The following CNTNAP2 variants were observed in gnomAD, a reference collection of about 807,000 sequenced individuals.
CNTNAP2 encodes contactin associated protein 2, also known as contactin-associated protein-like 2.
A neutral mutation model predicts 155.2 loss-of-function variants in CNTNAP2; 98 were observed. The ratio of observed to expected loss-of-function variants is 0.63; its 90% CI spans 0.54 to 0.75. The LOEUF (loss-of-function observed/expected upper bound fraction) is 0.75. Ranked by LOEUF, CNTNAP2 falls within the 30% of genes least tolerant of loss-of-function variation. The probability of loss-of-function intolerance (pLI) is 0.00; values close to 1 mark genes in which losing one functional copy is unlikely to be tolerated. For synonymous variants in CNTNAP2, 651 were observed against 631.2 expected (o/e 1.03, Z -0.47); for missense variants, 1,727 against 1,688.1 (o/e 1.02, Z -0.40).
At chr7:146,269,531 A>C (rs1315490405) in intron 1 of CNTNAP2, among the ~76,000 whole-genome samples, 4 of 152,198 alleles carry the variant, frequency 2.6e-5, no homozygotes, top group Non-Finnish European at 4.4e-5. Context: ...ATGATTAAGT[A>C]TTGCTAGTTT....
At chr7:147,140,860 C>G (rs1801578094) in intron 8 of CNTNAP2, among the ~76,000 whole-genome samples, 1 of 152,122 alleles carries the variant, frequency 6.6e-6, no homozygotes, top group African/African-American at 2.4e-5. Flanking sequence ...TATCAGGCAA[C>G]TTCTCTTTTG....
intron 4 of CNTNAP2, among the ~76,000 whole-genome samples, chr7:147,101,169 G>A (rs1800644833): frequency 1.3e-5 from 2 of 152,228 alleles, no homozygotes; most frequent in Admixed American, 1.3e-4. Context: ...AATGAGCCTG[G>A]ACGGGAAGGC....
At chr7:147,426,145 G>C (rs1260530942) in intron 10 of CNTNAP2, among the ~76,000 whole-genome samples, 1 of 151,714 alleles carries the variant, frequency 6.6e-6, no homozygotes, top group Non-Finnish European at 1.5e-5. Flanking sequence ...TGTGTACACA[G>C]GGAGGGTGTA....
At chr7:148,260,419 G>T (rs1416296577) in intron 20 of CNTNAP2, among the ~76,000 whole-genome samples, 1 of 152,090 alleles carries the variant, frequency 6.6e-6, no homozygotes, top group Non-Finnish European at 1.5e-5. Context: ...TAAAAGATCA[G>T]CACAAAGCCT....
chr7:147,000,081 C>A lies in CNTNAP2; in HGVS notation c.403-43826C>A, dbSNP rs1417507185. ...TCTTTATTTTTATTTCCTTTTTCCCCTTTGTATATTTTCAAATAACTTGTG... is the reference window on the plus strand; with the variant it reads ...TCTTTATTTTTATTTCCTTTTTCCCATTTGTATATTTTCAAATAACTTGTG... On this transcript the variant is annotated intron_variant, in intron 3 of 23. Coordinates refer to ENST00000361727, the MANE Select transcript of CNTNAP2 (RefSeq NM_014141.6). Among the ~76,000 whole-genome samples the A allele has an allele frequency of 2.0e-5, 3 of 151,666 alleles. No homozygotes were observed. In the South Asian group the frequency reaches 6.2e-4, roughly 32 times the overall value.
chr7:148,415,717 A>C lies in CNTNAP2; in HGVS notation c.*101A>C. 2.2e-6 allele frequency: 3 copies of C among 1,333,804 alleles called. No individual in the cohort carries two copies. Among genetic ancestry groups the C allele is most frequent in the Non-Finnish European group, 3.2e-6 (3 of 941,470 alleles). 82.6% of individuals were successfully genotyped at this position (1,333,804 alleles called of 1,614,324 possible). ...TCATACTCTTGAGCACATCCTTAAA[A>C]TATCAGCACAAGTTGGGGGAGGCAG... On this transcript the variant is annotated 3_prime_UTR_variant, in exon 24 of 24. Transcript: ENST00000361727.
At chr7:146,860,500 T>C (rs1412999304) in intron 3 of CNTNAP2, among the ~76,000 whole-genome samples, 2 of 152,174 alleles carry the variant, frequency 1.3e-5, no homozygotes, top group Non-Finnish European at 2.9e-5. Context: ...CATTTGGTTT[T>C]ATGAAAGTTC....
intron 1 of CNTNAP2, among the ~76,000 whole-genome samples, chr7:146,611,373 G>A (rs181111565): frequency 5.3e-5 from 8 of 152,186 alleles, no homozygotes; most frequent in African/African-American, 1.9e-4. Flanking sequence ...TTATAGGCGC[G>A]AGCCACCGCA....
chr7:146,254,789 A>T (rs1297831173), intron 1 of CNTNAP2, among the ~76,000 whole-genome samples: 1 of 152,066 alleles, frequency 6.6e-6, no homozygotes, highest in African/African-American at 2.4e-5. Context: ...GATGATCAGA[A>T]CTCTGAGTTT....
intron 9 of CNTNAP2, among the ~76,000 whole-genome samples, chr7:147,331,942 CACA>C (rs1795578340): frequency 1.3e-5 from 2 of 152,146 alleles, no homozygotes; most frequent in African/African-American, 4.8e-5. Context: ...CTTTACTGTT[CACA>C]ACATGTTTCA....
At chr7:147,394,922 TA>T (rs1298271001) in intron 9 of CNTNAP2, among the ~76,000 whole-genome samples, 14 of 151,200 alleles carry the variant, frequency 9.3e-5, no homozygotes, top group Non-Finnish European at 1.6e-4. Flanking sequence ...CATATTATGG[TA>T]TTTTATATAT....
chr7:146,390,211 C>A (rs1281470842), intron 1 of CNTNAP2, among the ~76,000 whole-genome samples: 1 of 151,786 alleles, frequency 6.6e-6, no homozygotes, highest in Non-Finnish European at 1.5e-5. Flanking sequence ...TATGTAAATA[C>A]AAAAGTAAAT....
chr7:147,885,754 C>T (rs577561943), intron 13 of CNTNAP2, among the ~76,000 whole-genome samples: 3 of 152,272 alleles, frequency 2.0e-5, no homozygotes, highest in Admixed American at 1.3e-4. Context: ...AACACTGGAA[C>T]ATTTACCTTT....
chr7:146,809,992 T>C (rs1449523369), intron 2 of CNTNAP2, among the ~76,000 whole-genome samples: 1 of 152,198 alleles, frequency 6.6e-6, no homozygotes, highest in Admixed American at 6.5e-5. Context: ...CTCTTACATT[T>C]AAGTCTTTCA....
chr7:146,827,005 T>A (rs1028849323), intron 2 of CNTNAP2, among the ~76,000 whole-genome samples: 2 of 151,736 alleles, frequency 1.3e-5, no homozygotes, highest in Non-Finnish European at 2.9e-5. Context: ...ACTAACATGA[T>A]TAAGGAGATT....
intron 3 of CNTNAP2, among the ~76,000 whole-genome samples, chr7:146,884,908 TA>T (rs974999333): frequency 3.3e-5 from 5 of 152,314 alleles, no homozygotes; most frequent in African/African-American, 7.2e-5. Context: ...TAAAAATTTT[TA>T]CAGCTCTCAA....
intron 1 of CNTNAP2, among the ~76,000 whole-genome samples, chr7:146,395,779 T>TAGATGATAGAGAGATAGATA (rs11462122): frequency 0.047 from 5,716 of 121,604 alleles, 190 homozygotes; most frequent in Admixed American, 0.076. Context: ...GATAGACAGA[T>TAGATGATAGAGAGATAGATA]GATAGATAGA....
chr7:146,468,751 G>A (rs1796752733), intron 1 of CNTNAP2, among the ~76,000 whole-genome samples: 2 of 152,148 alleles, frequency 1.3e-5, no homozygotes, highest in South Asian at 4.1e-4. Context: ...TTCACCTGTT[G>A]CTTCTACCTT....
chr7:147,237,594 T>A (rs890880993), intron 8 of CNTNAP2, among the ~76,000 whole-genome samples: 1 of 152,204 alleles, frequency 6.6e-6, no homozygotes, highest in Non-Finnish European at 1.5e-5. Context: ...TGAAGTGCAA[T>A]TTCTTTAAGG....
Sources: allele counts gnomAD v4.1 joint callset (sites outside exome capture counted in the v4.1 genomes callset), GRCh38; gene constraint gnomAD v4.1.1; transcripts MANE v1.5; gene names NCBI Gene and HGNC (gene_info 2026-07-23, HGNC 2026-07-21).